The following PLPPR5 variants were observed in gnomAD, a reference collection of about 807,000 sequenced individuals.
PLPPR5 encodes phospholipid phosphatase related 5.
In PLPPR5, 16 loss-of-function variants were observed where a neutral mutation model predicts 33.9. The observed-to-expected ratio is 0.47, with a 90% CI of 0.32 to 0.72. The LOEUF (loss-of-function observed/expected upper bound fraction) is 0.72, where lower values mean the gene tolerates loss of function less well. Ranked by LOEUF, PLPPR5 falls within the 30% of genes least tolerant of loss-of-function variation. The pLI is 0.03. For missense variants in PLPPR5, 301 were observed against 406.7 expected (o/e 0.74, Z 2.23); for synonymous variants, 163 against 150.3 (o/e 1.08, Z -0.62).
intron 1 of PLPPR5, chr1:99,004,232 G>T (rs888769083): frequency 3.6e-6 from 2 of 562,648 alleles, no homozygotes; most frequent in African/African-American, 3.8e-5. Context: ...GTGTGGGGGG[G>T]TGACGTGTGG....
At chr1:98,905,942 T>C (rs1648879033) in intron 5 of PLPPR5, among the ~76,000 whole-genome samples, 1 of 152,110 alleles carries the variant, frequency 6.6e-6, no homozygotes. Context: ...AAGACATTAC[T>C]CCATCTAGAA....
chr1:98,946,893 A>G (rs1453351842), intron 3 of PLPPR5, among the ~76,000 whole-genome samples: 1 of 152,176 alleles, frequency 6.6e-6, no homozygotes, highest in African/African-American at 2.4e-5. Flanking sequence ...TTTAATGTAT[A>G]ACATTTATAT....
chr1:98,905,908 C>T (rs544428913), intron 5 of PLPPR5, among the ~76,000 whole-genome samples: 2 of 152,070 alleles, frequency 1.3e-5, no homozygotes, highest in Admixed American at 6.6e-5. Context: ...GATTATGTCA[C>T]AAACTAATTC....
chr1:98,899,535 C>A (rs907936886), intron 5 of PLPPR5, among the ~76,000 whole-genome samples: 8 of 151,834 alleles, frequency 5.3e-5, no homozygotes, highest in Non-Finnish European at 1.2e-4. Flanking sequence ...GGAATAATTC[C>A]AAAAAATAAA....
At chr1:98,899,872 A>T (rs997674453) in intron 5 of PLPPR5, among the ~76,000 whole-genome samples, 3 of 152,096 alleles carry the variant, frequency 2.0e-5, no homozygotes, top group African/African-American at 7.2e-5. Flanking sequence ...TATTGACATG[A>T]AATTTCATGG....
rs995188330 is a variant in PLPPR5 at position 99,001,672 on chromosome 1, A to G, written c.237+2763T>C. 1.6e-3 allele frequency among the ~76,000 whole-genome samples: 9 copies of G among 5,560 alleles called. No individual in the cohort carries two copies. The Admixed American group carries it at 0.021, about 13-fold the overall frequency. The allele number at this position is 5,560 out of a possible 152,430, so 3.6% of individuals were successfully genotyped here. On this transcript the variant is annotated intron_variant, in intron 1 of 5. Coordinates refer to ENST00000263177, the MANE Select transcript of PLPPR5 (RefSeq NM_001037317.2). ...CTAGAAATGAGTTTGAAAGTTAAAG[A>G]TATATATATATATATATATATATAT...
chr1:98,925,690 T>C (rs1368458882), intron 3 of PLPPR5, among the ~76,000 whole-genome samples: 1 of 74,254 alleles, frequency 1.3e-5, no homozygotes, highest in East Asian at 5.2e-4. Flanking sequence ...CAAAAATAAA[T>C]GGAAATAAAA....
At chr1:98,983,133 T>A (rs1019032211) in intron 1 of PLPPR5, among the ~76,000 whole-genome samples, 3 of 151,544 alleles carry the variant, frequency 2.0e-5, no homozygotes, top group Admixed American at 2.0e-4. Context: ...CATGTGCACA[T>A]TGTGCAGGTT....
intron 1 of PLPPR5, among the ~76,000 whole-genome samples, chr1:99,001,235 C>T (rs866861733): frequency 2.8e-4 from 42 of 151,262 alleles, no homozygotes; most frequent in African/African-American, 8.0e-4. Flanking sequence ...CCTGGGTTCA[C>T]GCCATTCTCC....
Position 98,977,368 on chromosome 1 carries a change from T to C in PLPPR5, c.238-20627A>G, listed in dbSNP as rs1009642202. 2.0e-5 allele frequency among the ~76,000 whole-genome samples: 3 copies of C among 151,840 alleles called. No individual in the cohort carries two copies. The East Asian group carries it at 5.8e-4, about 29-fold the overall frequency. Reference sequence around the variant, plus strand: ...TTATTCCCATATATTCTGTAATAACTAAAACAAACAGATCACAATGGAGTC... The same window carrying C: ...TTATTCCCATATATTCTGTAATAACCAAAACAAACAGATCACAATGGAGTC... On this transcript the variant is annotated intron_variant, in intron 1 of 5. Coordinates refer to ENST00000263177, the MANE Select transcript of PLPPR5 (RefSeq NM_001037317.2).
At chr1:98,962,037 T>C (rs1651267458) in intron 1 of PLPPR5, among the ~76,000 whole-genome samples, 2 of 152,184 alleles carry the variant, frequency 1.3e-5, no homozygotes, top group Admixed American at 1.3e-4. Flanking sequence ...CAAAATAAAA[T>C]CCATGTGTTC....
chr1:98,981,658 A>G (rs1652067619), intron 1 of PLPPR5, among the ~76,000 whole-genome samples: 1 of 152,052 alleles, frequency 6.6e-6, no homozygotes, highest in East Asian at 1.9e-4. Context: ...TGTCCAAGAA[A>G]CACTTGGTAA....
intron 1 of PLPPR5, among the ~76,000 whole-genome samples, chr1:98,959,932 C>T (rs1056014890): frequency 6.6e-6 from 1 of 152,074 alleles, no homozygotes; most frequent in African/African-American, 2.4e-5. Flanking sequence ...GACCCTCCGG[C>T]CAGTTCTTGG....
chr1:98,970,410 G>A (rs1460160701), intron 1 of PLPPR5, among the ~76,000 whole-genome samples: 1 of 151,906 alleles, frequency 6.6e-6, no homozygotes, highest in African/African-American at 2.4e-5. Context: ...GGAATGGGTT[G>A]AATTTATTAT....
intron 1 of PLPPR5, chr1:99,004,203 A>C (rs1375840750): frequency 5.5e-6 from 3 of 547,964 alleles, no homozygotes; most frequent in East Asian, 6.2e-5. Context: ...CAGTCACCCA[A>C]CGCTGAAGCC....
chr1:98,968,191 A>AATAAGAGTACTGTAAT (rs138315970), intron 1 of PLPPR5, among the ~76,000 whole-genome samples: 36,311 of 151,878 alleles, frequency 0.24, 4,427 homozygotes, highest in East Asian at 0.4. Flanking sequence ...AAGGAAAATG[A>AATAAGAGTACTGTAAT]ATACACTCAT....
At chr1:98,914,444 C>T (rs543412816) in intron 5 of PLPPR5, among the ~76,000 whole-genome samples, 1 of 152,134 alleles carries the variant, frequency 6.6e-6, no homozygotes, top group Admixed American at 6.5e-5. Context: ...GCCACCACGT[C>T]CAGCTAATTT....
intron 1 of PLPPR5, among the ~76,000 whole-genome samples, chr1:98,978,471 T>C (rs1651943768): frequency 6.6e-6 from 1 of 151,990 alleles, no homozygotes; most frequent in South Asian, 2.1e-4. Flanking sequence ...TACAAATTCC[T>C]CAATACTATA....
intron 4 of PLPPR5, among the ~76,000 whole-genome samples, chr1:98,919,004 A>G (rs1317546521): frequency 6.6e-6 from 1 of 152,240 alleles, no homozygotes; most frequent in Admixed American, 6.5e-5. Context: ...AGCAAAACCA[A>G]AAATGCTCCA....
Sources: allele counts gnomAD v4.1 joint callset (sites outside exome capture counted in the v4.1 genomes callset), GRCh38; gene constraint gnomAD v4.1.1; transcripts MANE v1.5; gene names NCBI Gene and HGNC (gene_info 2026-07-23, HGNC 2026-07-21).